The following ARFIP1 variants were observed in gnomAD, a reference collection of about 807,000 sequenced individuals.
ARFIP1 encodes arfaptin-1.
ARFIP1 carries 24 observed loss-of-function variants against 42.5 expected under a neutral mutation model. The ratio of observed to expected loss-of-function variants is 0.57; its 90% CI spans 0.41 to 0.80. The LOEUF (loss-of-function observed/expected upper bound fraction) is 0.80. Ranked by LOEUF, ARFIP1 falls within the 30% of genes least tolerant of loss-of-function variation. The probability of loss-of-function intolerance (pLI) is 0.00; values close to 1 mark genes in which losing one functional copy is unlikely to be tolerated. For missense variants in ARFIP1, 354 were observed against 434.0 expected (o/e 0.82, Z 1.64); for synonymous variants, 141 against 153.7 (o/e 0.92, Z 0.61).
chr4:152,804,093 A>ATATATTATATATAATATAACATGTAT (rs1561107883), intron 1 of ARFIP1, among the ~76,000 whole-genome samples: 6 of 79,882 alleles, frequency 7.5e-5, no homozygotes, highest in East Asian at 7.1e-4. Flanking sequence ...ATATAACGTA[A>ATATATTATATATAATATAACATGTAT]TATATATTAT....
At chr4:152,880,216 G>A (rs150101196) in intron 5 of ARFIP1, among the ~76,000 whole-genome samples, 2,419 of 152,080 alleles carry the variant, frequency 0.016, 61 homozygotes, top group African/African-American at 0.055. Context: ...GGTGGCGCAC[G>A]CCTGTAATCT....
At chr4:152,854,303 C>T (rs1268080000) in intron 2 of ARFIP1, among the ~76,000 whole-genome samples, 2 of 152,166 alleles carry the variant, frequency 1.3e-5, no homozygotes, top group Non-Finnish European at 2.9e-5. Flanking sequence ...TCTTCAATTC[C>T]AGAATTTCCG....
At chr4:152,811,797 T>C (rs1478077978) in intron 1 of ARFIP1, among the ~76,000 whole-genome samples, 2 of 152,210 alleles carry the variant, frequency 1.3e-5, no homozygotes, top group Non-Finnish European at 2.9e-5. Flanking sequence ...TGAGGTATCA[T>C]GTATATTTTT....
intron 1 of ARFIP1, among the ~76,000 whole-genome samples, chr4:152,821,343 A>T (rs1015774560): frequency 1.3e-5 from 2 of 152,208 alleles, no homozygotes; most frequent in Non-Finnish European, 2.9e-5. Context: ...GGGAACTACA[A>T]CATGCAGTGG....
intron 1 of ARFIP1, chr4:152,796,773 C>G: frequency 1.4e-6 from 1 of 726,084 alleles, no homozygotes; most frequent in Non-Finnish European, 2.5e-6. Context: ...TTCTCTTTCT[C>G]TCATGGTAAT....
intron 2 of ARFIP1, among the ~76,000 whole-genome samples, chr4:152,860,846 A>ATG (rs1229543499): frequency 6.6e-6 from 1 of 152,230 alleles, no homozygotes; most frequent in Non-Finnish European, 1.5e-5. Flanking sequence ...AAAGATACTT[A>ATG]TGACAGGGTA....
At chr4:152,823,767 T>G (rs11099856) in intron 1 of ARFIP1, among the ~76,000 whole-genome samples, 84,029 of 125,888 alleles carry the variant, frequency 0.67, 27,296 homozygotes, top group Admixed American at 0.75. Context: ...ACACAGCAAG[T>G]CTCCATCTCA....
intron 2 of ARFIP1, among the ~76,000 whole-genome samples, chr4:152,832,071 T>C (rs971241223): frequency 2.6e-4 from 39 of 152,212 alleles, no homozygotes; most frequent in African/African-American, 8.9e-4. Flanking sequence ...TGAATAAAGC[T>C]GCTGTGACCA....
At position 152,876,045 on chromosome 4, in the gene ARFIP1, G is replaced by A. The variant is rs965082573; in HGVS notation, c.411+3481G>A. On this transcript the variant is annotated intron_variant, in intron 5 of 8. Transcript: ENST00000353617. Reference sequence around the variant, plus strand: ...CCAGCCATGTGGAACTGTAAGTCCAGTTAAACCTCTTTTTATTCCCAGTCT... The same window carrying A: ...CCAGCCATGTGGAACTGTAAGTCCAATTAAACCTCTTTTTATTCCCAGTCT... Among the ~76,000 whole-genome samples the A allele has an allele frequency of 1.2e-4, 18 of 152,190 alleles. 1 individual carries two copies. The South Asian group carries it at 1.9e-3, about 16-fold the overall frequency.
intron 5 of ARFIP1, 108 bp from the exon 6 acceptor site, chr4:152,880,855 T>A: frequency 1.2e-6 from 1 of 812,604 alleles, no homozygotes; most frequent in Non-Finnish European, 2.0e-6. Flanking sequence ...ATTTTCAGTT[T>A]GTTACGCTAG....
intron 1 of ARFIP1, among the ~76,000 whole-genome samples, chr4:152,805,832 G>C (rs1392107461): frequency 6.6e-6 from 1 of 152,268 alleles, no homozygotes; most frequent in Non-Finnish European, 1.5e-5. Flanking sequence ...TTCACAGCTA[G>C]TGGAGGAGCC....
chr4:152,815,773 C>G (rs938794884), intron 1 of ARFIP1, among the ~76,000 whole-genome samples: 1 of 119,046 alleles, frequency 8.4e-6, no homozygotes, highest in African/African-American at 3.2e-5. Context: ...GAGACGGAGT[C>G]TCGCTCTGTC....
intron 1 of ARFIP1, among the ~76,000 whole-genome samples, chr4:152,788,801 C>CTTTTTTT (rs138189664): frequency 1.7e-4 from 19 of 113,416 alleles, no homozygotes; most frequent in East Asian, 2.5e-4. Context: ...TCCCCAATGT[C>CTTTTTTT]TTTTTTTTTT....
chr4:152,907,288 C>G (rs1738441229), intron 8 of ARFIP1, among the ~76,000 whole-genome samples: 1 of 152,078 alleles, frequency 6.6e-6, no homozygotes, highest in Non-Finnish European at 1.5e-5. Flanking sequence ...ACATTGTGAA[C>G]AGTGCAAGTC....
intron 1 of ARFIP1, among the ~76,000 whole-genome samples, chr4:152,804,015 ATATT>A (rs1281253120): frequency 3.7e-5 from 5 of 135,768 alleles, no homozygotes; most frequent in Admixed American, 1.7e-4. Flanking sequence ...TGTAATATAT[ATATT>A]ATATATAATA....
At chr4:152,873,428 G>A (rs1735060073) in intron 5 of ARFIP1, among the ~76,000 whole-genome samples, 1 of 152,090 alleles carries the variant, frequency 6.6e-6, no homozygotes. Context: ...AAAAGTATAG[G>A]TTTTCTTAAG....
chr4:152,884,298 G>T (rs1216969683), intron 7 of ARFIP1, among the ~76,000 whole-genome samples: 2 of 151,904 alleles, frequency 1.3e-5, no homozygotes, highest in Non-Finnish European at 2.9e-5. Flanking sequence ...TTCAGTCTCA[G>T]TGTAAATCCT....
intron 2 of ARFIP1, among the ~76,000 whole-genome samples, chr4:152,855,287 T>G (rs1578941643): frequency 1.3e-5 from 2 of 149,620 alleles, no homozygotes. Context: ...CTGCGGGGGG[T>G]GGGGAAGCCA....
rs530825595 is a variant in ARFIP1 at position 152,782,956 on chromosome 4, A to C, written c.-10+2730A>C. On this transcript the variant is annotated intron_variant, in intron 1 of 8. Coordinates refer to ENST00000353617, the MANE Select transcript of ARFIP1 (RefSeq NM_001025595.3). ...AGTATCCAGTTTCTTCTGCTCACAG[A>C]ATAAGTTTTCCTCTGTCTAGCAACC... 3.3e-5 allele frequency among the ~76,000 whole-genome samples: 5 copies of C among 152,276 alleles called. No individual in the cohort carries two copies. The South Asian group carries it at 8.3e-4, about 25-fold the overall frequency.
Sources: allele counts gnomAD v4.1 joint callset (sites outside exome capture counted in the v4.1 genomes callset), GRCh38; gene constraint gnomAD v4.1.1; transcripts MANE v1.5; gene names NCBI Gene and HGNC (gene_info 2026-07-23, HGNC 2026-07-21).